The following GLI2 variants were observed in gnomAD, a reference collection of about 807,000 sequenced individuals.
GLI2 encodes GLI family zinc finger 2.
Under a neutral mutation model 78.9 loss-of-function variants are expected in GLI2, and 22 were observed. That is an observed-to-expected ratio of 0.28 (90% CI 0.20 to 0.40). The LOEUF (loss-of-function observed/expected upper bound fraction) is 0.40. Ranked by LOEUF, GLI2 falls within the 10% of genes least tolerant of loss-of-function variation. The pLI, the probability that GLI2 is intolerant of heterozygous loss-of-function variation, is 1.00. For synonymous variants in GLI2, 974 were observed against 963.7 expected (o/e 1.01, Z -0.20); for missense variants, 2,097 against 2,213.2 (o/e 0.95, Z 1.05).
At chr2:120,743,272 G>A (rs546950239) in intron 1 of GLI2, among the ~76,000 whole-genome samples, 1 of 152,276 alleles carries the variant, frequency 6.6e-6, no homozygotes, top group East Asian at 1.9e-4. Context: ...AAAGGGCTCT[G>A]ATGTGCCGCC....
chr2:120,774,554 C>T (rs1395782364), intron 1 of GLI2, among the ~76,000 whole-genome samples: 2 of 152,200 alleles, frequency 1.3e-5, no homozygotes, highest in South Asian at 2.1e-4. Context: ...AATTCCTAGA[C>T]AGGAAGTGGA....
At chr2:120,799,995 A>G (rs1394730630) in intron 2 of GLI2, among the ~76,000 whole-genome samples, 1 of 152,144 alleles carries the variant, frequency 6.6e-6, no homozygotes, top group Non-Finnish European at 1.5e-5. Flanking sequence ...GGGGTACCCA[A>G]GGGTCTTCTG....
chr2:120,957,003 C>T (rs1022447882), intron 5 of GLI2, among the ~76,000 whole-genome samples: 1 of 152,218 alleles, frequency 6.6e-6, no homozygotes, highest in African/African-American at 2.4e-5. Flanking sequence ...GGGACAGCTC[C>T]CTCCTCTGGC....
At chr2:120,872,946 A>G (rs1355518569) in intron 2 of GLI2, among the ~76,000 whole-genome samples, 6 of 152,242 alleles carry the variant, frequency 3.9e-5, no homozygotes, top group Admixed American at 3.9e-4. Flanking sequence ...TGAGTGACAG[A>G]CACGAAAGAG....
chr2:120,989,673 G>A lies in GLI2; in HGVS notation c.3708G>A (p.Gln1236=). 1 of 1,613,372 alleles carries A rather than the reference G, an allele frequency of 6.2e-7. No individual in the cohort carries two copies. Among genetic ancestry groups the A allele is most frequent in the Non-Finnish European group, 8.5e-7 (1 of 1,180,000 alleles). The change falls in exon 14 of 14, where the codon CAG becomes CAA. Residue 1236 remains glutamine (Q), a synonymous_variant. Coordinates refer to ENST00000361492, the MANE Select transcript of GLI2 (RefSeq NM_001374353.1). ...PHACYGQVHP[Q]LSPSTISGAL... The stretch of plus-strand genomic sequence containing the variant: ...CCTGCTATGGCCAAGTCCACCCCCA[G>A]CTGAGCCCCAGCACCATCAGTGGGG...
At chr2:120,895,293 C>T (rs1050835082) in intron 2 of GLI2, among the ~76,000 whole-genome samples, 2 of 152,108 alleles carry the variant, frequency 1.3e-5, no homozygotes, top group African/African-American at 4.8e-5. Flanking sequence ...AAAAGTTTTG[C>T]TTGGATGTGG....
chr2:120,789,282 C>A (rs1021769300), intron 1 of GLI2, among the ~76,000 whole-genome samples: 12 of 152,106 alleles, frequency 7.9e-5, no homozygotes, highest in African/African-American at 2.9e-4. Flanking sequence ...CCTCAGCCTC[C>A]CAGAGTGCTG....
At chr2:120,979,169 G>T (rs909511544) in intron 10 of GLI2, among the ~76,000 whole-genome samples, 2 of 152,136 alleles carry the variant, frequency 1.3e-5, no homozygotes, top group East Asian at 3.9e-4. Context: ...GTAGAGATGG[G>T]GTTTTGCCAT....
chr2:120,754,675 A>G (rs768175351), intron 1 of GLI2, among the ~76,000 whole-genome samples: 1 of 152,012 alleles, frequency 6.6e-6, no homozygotes, highest in Non-Finnish European at 1.5e-5. Context: ...CTGTTGATGG[A>G]TATTTAGGTT....
At chr2:120,878,996 T>C (rs973504960) in intron 2 of GLI2, among the ~76,000 whole-genome samples, 1 of 152,134 alleles carries the variant, frequency 6.6e-6, no homozygotes, top group Non-Finnish European at 1.5e-5. Flanking sequence ...AATTCTGTTA[T>C]CTCAGCATCC....
chr2:120,848,791 T>C (rs1174721026), intron 2 of GLI2, among the ~76,000 whole-genome samples: 1 of 152,156 alleles, frequency 6.6e-6, no homozygotes, highest in Non-Finnish European at 1.5e-5. Context: ...AGCTCACAGA[T>C]AGTCACTTTT....
intron 3 of GLI2, among the ~76,000 whole-genome samples, chr2:120,934,876 G>A (rs1222009328): frequency 6.6e-6 from 1 of 152,138 alleles, no homozygotes; most frequent in East Asian, 1.9e-4. Context: ...TCCAAGGTCA[G>A]TGTCCCATAA....
intron 1 of GLI2, among the ~76,000 whole-genome samples, chr2:120,774,987 C>G (rs961298689): frequency 6.6e-6 from 1 of 152,328 alleles, no homozygotes; most frequent in African/African-American, 2.4e-5. Context: ...TCTCTTTTCC[C>G]AAGAGCTAGT....
intron 2 of GLI2, among the ~76,000 whole-genome samples, chr2:120,838,995 A>C (rs1009978082): frequency 2.0e-4 from 30 of 152,184 alleles, no homozygotes; most frequent in Non-Finnish European, 2.6e-4. Context: ...TGGGAAGTCC[A>C]AGGTTGAGGA....
At chr2:120,789,056 G>A (rs1208397139) in intron 1 of GLI2, among the ~76,000 whole-genome samples, 3 of 133,060 alleles carry the variant, frequency 2.3e-5, no homozygotes, top group Non-Finnish European at 3.1e-5. Flanking sequence ...TTTTTGAGAC[G>A]GAGTCTCACT....
chr2:120,750,020 TG>T (rs1229814548), intron 1 of GLI2, among the ~76,000 whole-genome samples: 1 of 152,232 alleles, frequency 6.6e-6, no homozygotes, highest in Non-Finnish European at 1.5e-5. Flanking sequence ...CTCTCCTCCC[TG>T]GGGTCTGTTT....
intron 3 of GLI2, among the ~76,000 whole-genome samples, chr2:120,929,654 C>T (rs983100982): frequency 5.3e-5 from 8 of 152,178 alleles, no homozygotes; most frequent in Non-Finnish European, 8.8e-5. Flanking sequence ...CAGATTTGGC[C>T]GTTGGGGTCC....
At chr2:120,937,514 G>A (rs991323910) in intron 3 of GLI2, among the ~76,000 whole-genome samples, 1 of 152,168 alleles carries the variant, frequency 6.6e-6, no homozygotes, top group Non-Finnish European at 1.5e-5. Flanking sequence ...GAAGCCCAGA[G>A]CACCAGGAAT....
At chr2:120,779,344 G>T (rs1247401325) in intron 1 of GLI2, among the ~76,000 whole-genome samples, 1 of 152,208 alleles carries the variant, frequency 6.6e-6, no homozygotes, top group Non-Finnish European at 1.5e-5. Context: ...CAGGGTGTGT[G>T]TGAGCCCCTG....
Sources: gnomAD v4.1 joint callset for allele counts (sites outside exome capture counted in the v4.1 genomes callset) on GRCh38, gnomAD v4.1.1 for gene constraint, MANE v1.5 for transcripts, NCBI Gene and HGNC (gene_info 2026-07-23, HGNC 2026-07-21) for gene names.